The following FUT8 variants were observed in gnomAD, a reference collection of about 807,000 sequenced individuals.
FUT8 encodes the protein fucosyltransferase 8, also known as alpha-(1,6)-fucosyltransferase.
Under a neutral mutation model 71.3 loss-of-function variants are expected in FUT8, and 29 were observed. That is an observed-to-expected ratio of 0.41 (90% confidence interval 0.30 to 0.55). The LOEUF (loss-of-function observed/expected upper bound fraction) is 0.55, where lower values mean the gene tolerates loss of function less well. FUT8 is among the 20% of genes least tolerant of loss of function. FUT8 has a pLI of 0.34. For missense variants in FUT8, 544 were observed against 702.1 expected, an observed-to-expected ratio of 0.77 and a Z score of 2.55; for synonymous variants, 254 against 239.3, an observed-to-expected ratio of 1.06 and a Z score of -0.57.
At chr14:65,424,843 A>G (rs2065358765) in intron 1 of FUT8, among the ~76,000 whole-genome samples, 1 of 151,548 alleles carries the variant, frequency 6.6e-6, no homozygotes, top group South Asian at 2.1e-4. Flanking sequence ...TGTTTTTTGT[A>G]GAGACAGGGT....
chr14:65,439,938 A>ATGTGTGTGTGTGTG (rs543440132), intron 1 of FUT8, among the ~76,000 whole-genome samples: 10 of 74,150 alleles, frequency 1.3e-4, no homozygotes, highest in African/African-American at 4.5e-4. Flanking sequence ...GATAAAGAAA[A>ATGTGTGTGTGTGTG]TGTGTGTGTG....
At chr14:65,661,200 T>C (rs1356097622) in intron 6 of FUT8, among the ~76,000 whole-genome samples, 2 of 152,174 alleles carry the variant, frequency 1.3e-5, no homozygotes, top group Non-Finnish European at 2.9e-5. Flanking sequence ...TAATTTTCAG[T>C]TTACAGAAAT....
intron 7 of FUT8, among the ~76,000 whole-genome samples, chr14:65,693,694 A>G (rs1893836265): frequency 6.6e-6 from 1 of 152,196 alleles, no homozygotes; most frequent in African/African-American, 2.4e-5. Context: ...TTAGTGTAAT[A>G]TTAGCCTCAT....
intron 3 of FUT8, among the ~76,000 whole-genome samples, chr14:65,562,330 G>C (rs1179382787): frequency 1.3e-5 from 2 of 152,014 alleles, no homozygotes; most frequent in Non-Finnish European, 2.9e-5. Context: ...ATAACTGGGA[G>C]GCTGAGTTAG....
At chr14:65,724,408 T>C in intron 9 of FUT8, 85 bp downstream of exon 9, 1 of 799,426 alleles carries the variant, frequency 1.3e-6, no homozygotes, top group Non-Finnish European at 2.0e-6. Context: ...TTGTGATTTT[T>C]GTATATTATT....
At chr14:65,479,219 A>G (rs780048924) in intron 2 of FUT8, among the ~76,000 whole-genome samples, 20 of 152,218 alleles carry the variant, frequency 1.3e-4, no homozygotes, top group Non-Finnish European at 2.9e-4. Context: ...ATATTAATAC[A>G]TGGCGTCTAT....
At chr14:65,676,625 C>G (rs1462306944) in intron 7 of FUT8, among the ~76,000 whole-genome samples, 2 of 148,846 alleles carry the variant, frequency 1.3e-5, no homozygotes, top group African/African-American at 5.0e-5. Flanking sequence ...TTCCTTCCCT[C>G]CTTCCCTTCC....
chr14:65,480,881 G>A (rs992375502), intron 2 of FUT8, among the ~76,000 whole-genome samples: 74 of 151,714 alleles, frequency 4.9e-4, no homozygotes, highest in African/African-American at 1.7e-3. Context: ...GTAGAGATGG[G>A]GTTTCACCAT....
intron 7 of FUT8, among the ~76,000 whole-genome samples, chr14:65,680,875 T>A (rs988490046): frequency 5.9e-5 from 9 of 152,196 alleles, no homozygotes; most frequent in Non-Finnish European, 1.3e-4. Flanking sequence ...TATAAGCTCC[T>A]TCACATAAAC....
At chr14:65,420,858 A>G (rs1418859495) in intron 1 of FUT8, among the ~76,000 whole-genome samples, 5 of 152,118 alleles carry the variant, frequency 3.3e-5, no homozygotes, top group Non-Finnish European at 7.4e-5. Flanking sequence ...TATGTATTAT[A>G]TACTGTGTTC....
At chr14:65,695,282 T>C (rs995845134) in intron 7 of FUT8, among the ~76,000 whole-genome samples, 1 of 152,200 alleles carries the variant, frequency 6.6e-6, no homozygotes, top group African/African-American at 2.4e-5. Context: ...TAATAGTGAA[T>C]TTGTATATTC....
intron 7 of FUT8, among the ~76,000 whole-genome samples, chr14:65,716,617 C>T (rs1487309356): frequency 2.6e-5 from 4 of 152,082 alleles, no homozygotes. Flanking sequence ...ATGGAGTCTC[C>T]TATGTCTACT....
intron 2 of FUT8, chr14:65,468,182 C>T: frequency 3.1e-6 from 2 of 635,768 alleles, no homozygotes; most frequent in South Asian, 1.4e-5. Flanking sequence ...TGATAACACT[C>T]GCGGAGCATT....
At chr14:65,383,266 T>TTTTTTTTC in the FUT8 span, among the ~76,000 whole-genome samples, 3,711 of 22,494 alleles carry the variant, frequency 0.16, 141 homozygotes, top group South Asian at 0.49. Context: ...TTTTCTTTTC[T>TTTTTTTTC]TTTTTTTTTT....
intron 2 of FUT8, chr14:65,468,060 T>C: frequency 1.5e-6 from 1 of 656,836 alleles, no homozygotes. Context: ...AACTTGTTTG[T>C]TGACAAGTTG....
chr14:65,466,011 C>T (rs989952269), intron 2 of FUT8, among the ~76,000 whole-genome samples: 3 of 152,026 alleles, frequency 2.0e-5, no homozygotes, highest in Non-Finnish European at 2.9e-5. Flanking sequence ...ACAGATTGAC[C>T]ATCTGTTATT....
At chr14:65,728,347 G>T (rs148190462) in intron 9 of FUT8, among the ~76,000 whole-genome samples, 1 of 152,334 alleles carries the variant, frequency 6.6e-6, no homozygotes, top group African/African-American at 2.4e-5. Context: ...CATAGCTGGG[G>T]TGGCCTCACA....
chr14:65,528,967 T>G (rs1267816660), intron 2 of FUT8: 1 of 154,502 alleles, frequency 6.5e-6, no homozygotes, highest in Non-Finnish European at 1.5e-5. Context: ...GACTTCTAGC[T>G]TCATGTGCAT....
rs1166094857 is a variant in FUT8 at position 65,629,497 on chromosome 14, T to C, written c.488T>C (p.Ile163Thr). ...ATTGTTGTTTGTTTTAACAGGTCTATAATGACGGATCTATACTACCTCAGT... is the reference window on the plus strand; with the variant it reads ...ATTGTTGTTTGTTTTAACAGGTCTACAATGACGGATCTATACTACCTCAGT... ...LLDLGHHERS[I>T]MTDLYYLSQT... The change falls in exon 6 of 11, where the codon ATA becomes ACA. Residue 163 changes from isoleucine (I) to threonine (T), a missense_variant. Coordinates refer to ENST00000673929, the MANE Select transcript of FUT8 (RefSeq NM_001371533.1). The C allele has an allele frequency of 6.2e-7, 1 of 1,610,792 alleles. No individual in the cohort carries two copies. The highest frequency in any genetic ancestry group is 1.3e-5 in the African/African-American group (1 of 74,856).
Sources: gnomAD v4.1 joint callset for allele counts (sites outside exome capture counted in the v4.1 genomes callset) on GRCh38, gnomAD v4.1.1 for gene constraint, MANE v1.5 for transcripts, NCBI Gene and HGNC (gene_info 2026-07-23, HGNC 2026-07-21) for gene names.